Variants in ZC3H14 observed in about 807,000 individuals in gnomAD.
ZC3H14 encodes zinc finger CCCH domain-containing protein 14.
In ZC3H14, 31 loss-of-function variants were observed where a neutral mutation model predicts 92.4. The observed-to-expected ratio is 0.34, with a 90% CI of 0.25 to 0.45. The LOEUF is 0.45. ZC3H14 is among the 20% of genes least tolerant of loss of function. ZC3H14 has a pLI of 1.00. For missense variants in ZC3H14, 781 were observed against 897.3 expected (o/e 0.87, Z 1.66); for synonymous variants, 321 against 300.9 (o/e 1.07, Z -0.69).
rs1197288209 is a variant in ZC3H14 at position 88,612,263 on chromosome 14, A to C, written c.*512A>C. ...TTAAAATATTCAATTCTGCTTTTTA[A>C]TTTTTAAGTGAATTTAGTTTGAAAA... On this transcript the variant is annotated 3_prime_UTR_variant, in exon 17 of 17. Coordinates refer to ENST00000251038, the MANE Select transcript of ZC3H14 (RefSeq NM_024824.5). The C allele has an allele frequency of 6.5e-6, 1 of 154,264 alleles. No homozygotes were observed. Among genetic ancestry groups the C allele is most frequent in the African/African-American group, 2.4e-5 (1 of 41,448 alleles). The allele number at this position is 154,264 out of a possible 1,614,324, so 9.6% of individuals were successfully genotyped here. A position where few individuals can be genotyped will look rare whatever the true frequency, so the allele number is the denominator to read the frequency against.
At chr14:88,563,774 C>T (rs1407455994) in intron 2 of ZC3H14, 81 bp downstream of exon 2, 3 of 1,356,970 alleles carry the variant, frequency 2.2e-6, no homozygotes, top group East Asian at 4.6e-5. Flanking sequence ...TATTTCTCAC[C>T]GTACTTTGGA....
At position 88,572,640 on chromosome 14, in the gene ZC3H14, C is replaced by A; in HGVS notation, c.494C>A (p.Pro165Gln). The A allele has an allele frequency of 6.2e-7, 1 of 1,614,182 alleles. No individual in the cohort carries two copies. Among genetic ancestry groups the A allele is most frequent in the African/African-American group, 1.3e-5 (1 of 75,052 alleles). The change falls in exon 6 of 17, where the codon CCA becomes CAA. Residue 165 changes from proline (P) to glutamine (Q), a missense_variant. Pro to Gln is a moderately conservative substitution (Grantham distance 76). Around this residue, in one of 3 missense-constraint regions of ZC3H14, gnomAD observed 454 missense variants for 438.5 expected, o/e 1.04. Transcript: ENST00000251038. ...LMSTVKPLREPAPSEDVIDIK... is the reference protein window; with the variant it reads ...LMSTVKPLREQAPSEDVIDIK... ...TCAACAGTGAAACCTTTGAGGGAGC[C>A]AGCACCCTCTGAAGATGTGATTGAT... is the stretch of plus-strand genomic sequence containing the variant.
chr14:88,577,431 G>A (rs1222569834), intron 8 of ZC3H14, among the ~76,000 whole-genome samples: 1 of 150,938 alleles, frequency 6.6e-6, no homozygotes, highest in Non-Finnish European at 1.5e-5. Flanking sequence ...GTACTATATT[G>A]TATTCATGGT....
Position 88,621,210 on chromosome 14 carries a change from T to C in ZC3H14, c.*9459T>C, listed in dbSNP as rs1188067784. On this transcript the variant is annotated 3_prime_UTR_variant, in exon 17 of 17. Coordinates refer to ENST00000251038, the MANE Select transcript of ZC3H14 (RefSeq NM_024824.5). ...TGTTGCTAGTCCCCAGATTGGCCCATCCACATGACCGTTAACTAAAATATT... is the reference window on the plus strand; with the variant it reads ...TGTTGCTAGTCCCCAGATTGGCCCACCCACATGACCGTTAACTAAAATATT... 6.2e-7 allele frequency: 1 copy of C among 1,613,938 alleles called. No individual in the cohort carries two copies. Among genetic ancestry groups the C allele is most frequent in the South Asian group, 1.1e-5 (1 of 91,088 alleles).
chr14:88,599,186 TCTTC>T (rs2084260905), intron 10 of ZC3H14, among the ~76,000 whole-genome samples: 1 of 152,210 alleles, frequency 6.6e-6, no homozygotes, highest in Non-Finnish European at 1.5e-5. Flanking sequence ...TTCTTCCATT[TCTTC>T]CTAAGGTCCT....
At chr14:88,607,107 T>G in intron 12 of ZC3H14, 136 bp from the exon 13 acceptor site, 1 of 1,347,780 alleles carries the variant, frequency 7.4e-7, no homozygotes, top group Non-Finnish European at 1.0e-6. Flanking sequence ...AATCCCATAA[T>G]TTGAGCTCAC....
rs76231557 is a variant in ZC3H14 at position 88,620,769 on chromosome 14, G to T, written c.*9018G>T. On this transcript the variant is annotated 3_prime_UTR_variant, in exon 17 of 17. Transcript: ENST00000251038. This position sits in a 1 kb window ranked among gnomAD's most constrained non-coding sequence, Gnocchi z 4.3. Reference sequence around the variant, plus strand: ...GTTCACTAACCTGATATCATGGATTGCACATCTCCTGTCTCTCTTCTTTCC... The same window carrying T: ...GTTCACTAACCTGATATCATGGATTTCACATCTCCTGTCTCTCTTCTTTCC... 1.9e-3 allele frequency: 3,111 copies of T among 1,596,626 alleles called. 69 individuals carry two copies. The African/African-American group carries it at 0.038, about 20-fold the overall frequency.
At chr14:88,590,852 T>C (rs1240264015) in intron 9 of ZC3H14, 1 of 152,208 alleles carries the variant, frequency 6.6e-6, no homozygotes, top group African/African-American at 2.4e-5. Flanking sequence ...CAGTGTTTGT[T>C]GTCTGAGTAA....
In ZC3H14 at chr14:88,609,365, A is replaced by T; in HGVS notation, c.1967A>T (p.His656Leu). ...KCTKPDCPFT[H>L]VSRRIPVLSP... ...ACTAAACCAGATTGTCCCTTCACTC[A>T]TGTGAGTAGAAGAATTCCAGTACTG... The change falls in exon 14 of 17, where the codon CAT becomes CTT. Residue 656 changes from histidine to leucine, a missense_variant. Around this residue, in one of 3 missense-constraint regions of ZC3H14, gnomAD observed 221 missense variants for 304.7 expected, o/e 0.73. Coordinates refer to ENST00000251038, the MANE Select transcript of ZC3H14 (RefSeq NM_024824.5). 1 of 1,614,096 alleles carries T rather than the reference A, an allele frequency of 6.2e-7. No homozygotes were observed. Among genetic ancestry groups the T allele is most frequent in the Non-Finnish European group, 8.5e-7 (1 of 1,179,980 alleles).
chr14:88,618,169 A>C lies in ZC3H14; in HGVS notation c.*6418A>C. ...GGAATGGCTCTAACAGTTCAGAAAT[A>C]GGATTTTCTAACTGGCCTTCAAAGT... On this transcript the variant is annotated 3_prime_UTR_variant, in exon 17 of 17. Coordinates refer to ENST00000251038, the MANE Select transcript of ZC3H14 (RefSeq NM_024824.5). 2 of 1,425,818 alleles carry C rather than the reference A, an allele frequency of 1.4e-6. No homozygotes were observed. The highest frequency in any genetic ancestry group is 2.0e-6 in the Non-Finnish European group (2 of 1,018,262). The allele number at this position is 1,425,818 out of a possible 1,614,324, so 88.3% of individuals were successfully genotyped here. A position where few individuals can be genotyped will look rare whatever the true frequency, so the allele number is the denominator to read the frequency against.
intron 11 of ZC3H14, among the ~76,000 whole-genome samples, chr14:88,602,498 C>A (rs1300565349): frequency 6.6e-6 from 1 of 152,122 alleles, no homozygotes; most frequent in African/African-American, 2.4e-5. Context: ...GCTGCTGGCC[C>A]TTGTGTTCTG....
At position 88,578,061 on chromosome 14, in the gene ZC3H14, G is replaced by A. The variant is rs771260203; in HGVS notation, c.1200G>A (p.Gln400=). 3 of 1,614,042 alleles carry A rather than the reference G, an allele frequency of 1.9e-6. No individual in the cohort carries two copies. Among genetic ancestry groups the A allele is most frequent in the East Asian group, 4.5e-5 (2 of 44,880 alleles). The change falls in exon 9 of 17, where the codon CAG becomes CAA. Residue 400 remains glutamine (Q), a synonymous_variant. Coordinates refer to ENST00000251038, the MANE Select transcript of ZC3H14 (RefSeq NM_024824.5). ...AAGAATTGCTAGCAGAAGTGGTCCAGGGACAAAGTAGGACCCCCAGAATAA... is the reference window on the plus strand; with the variant it reads ...AAGAATTGCTAGCAGAAGTGGTCCAAGGACAAAGTAGGACCCCCAGAATAA... ...SQEELLAEVV[Q]GQSRTPRISP...
Position 88,572,162 on chromosome 14 carries a change from G to A in ZC3H14, c.368G>A (p.Arg123Lys), listed in dbSNP as rs779703453. The A allele has an allele frequency of 3.6e-5, 58 of 1,613,988 alleles. No homozygotes were observed. The highest frequency in any genetic ancestry group is 3.3e-4 in the Middle Eastern group (2 of 6,060). The stretch of plus-strand genomic sequence containing the variant: ...CCACCACTTGCCATTCCTAGCGCGA[G>A]ACCTGAAAAAAGAGATTCCAGAGTT... ...AVPPLAIPSARPEKRDSRVST... is the reference protein window; with the variant it reads ...AVPPLAIPSAKPEKRDSRVST... The change falls in exon 5 of 17, where the codon AGA (arginine) becomes AAA (lysine). Residue 123 changes from arginine to lysine, a missense_variant. Arg to Lys is a conservative substitution (Grantham distance 26). Coordinates refer to ENST00000251038, the MANE Select transcript of ZC3H14 (RefSeq NM_024824.5).
At chr14:88,591,267 G>A (rs551979020) in intron 9 of ZC3H14, 5 of 152,040 alleles carry the variant, frequency 3.3e-5, no homozygotes, top group African/African-American at 1.2e-4. Context: ...GTGAACCGCC[G>A]TCTCTACTAA....
rs1343325341 is a variant in ZC3H14 at position 88,578,055 on chromosome 14, G to A, written c.1194G>A (p.Val398=). 6.2e-7 allele frequency: 1 copy of A among 1,613,966 alleles called. No homozygotes were observed. Among genetic ancestry groups the A allele is most frequent in the African/African-American group, 1.3e-5 (1 of 74,894 alleles). The change falls in exon 9 of 17, where the codon GTG becomes GTA. Residue 398 remains valine (V), a synonymous_variant. Coordinates refer to ENST00000251038, the MANE Select transcript of ZC3H14 (RefSeq NM_024824.5). ...RTSQEELLAE[V]VQGQSRTPRI... ...CTCAAGAAGAATTGCTAGCAGAAGT[G>A]GTCCAGGGACAAAGTAGGACCCCCA...
At chr14:88,579,530 G>A (rs902683219) in intron 9 of ZC3H14, among the ~76,000 whole-genome samples, 1 of 152,188 alleles carries the variant, frequency 6.6e-6, no homozygotes, top group Admixed American at 6.5e-5. Context: ...AGGACTCTAC[G>A]TGAGAGTCTT....
At chr14:88,603,645 A>C (rs1220426397) in intron 12 of ZC3H14, among the ~76,000 whole-genome samples, 1 of 152,162 alleles carries the variant, frequency 6.6e-6, no homozygotes, top group Non-Finnish European at 1.5e-5. Flanking sequence ...TGGTAGCTGC[A>C]ACGCCACTGA....
intron 2 of ZC3H14, 51 bp from the exon 3 acceptor site, chr14:88,567,988 G>C (rs2079919261): frequency 6.8e-7 from 1 of 1,467,800 alleles, no homozygotes; most frequent in African/African-American, 1.4e-5. Flanking sequence ...TCAACTTTAA[G>C]AAGAAAGTTT....
chr14:88,609,665 G>C (rs770669527), intron 14 of ZC3H14, 47 bp from the exon 15 acceptor site: 1 of 1,603,712 alleles, frequency 6.2e-7, no homozygotes, highest in Non-Finnish European at 8.5e-7. Context: ...ATTAAAAATG[G>C]GTTTTCCAAA....
Sources: allele counts gnomAD v4.1 joint callset (sites outside exome capture counted in the v4.1 genomes callset), GRCh38; gene constraint gnomAD v4.1.1; regional missense constraint gnomAD v4.1.1; non-coding constraint Gnocchi (gnomAD v3.1); transcripts MANE v1.5; gene names NCBI Gene and HGNC (gene_info 2026-07-23, HGNC 2026-07-21).